Variants in ADAM19 observed in about 807,000 individuals in gnomAD.
The protein encoded by ADAM19 is disintegrin and metalloproteinase domain-containing protein 19.
A neutral mutation model predicts 114.7 loss-of-function variants in ADAM19; 65 were observed. That is an observed-to-expected ratio of 0.57 (90% CI 0.46 to 0.70). The LOEUF is 0.70. Among genes scored for constraint, ADAM19 ranks in the 30% least tolerant of loss-of-function variants. The pLI, the probability that ADAM19 is intolerant of heterozygous loss-of-function variation, is 0.00. For synonymous variants in ADAM19, 466 were observed against 460.5 expected (o/e 1.01, Z -0.15); for missense variants, 1,063 against 1,204.7 (o/e 0.88, Z 1.74).
intron 8 of ADAM19, 85 bp from the exon 9 acceptor site, chr5:157,509,552 G>A: frequency 9.4e-7 from 1 of 1,058,676 alleles, no homozygotes; most frequent in Non-Finnish European, 1.2e-6. Context: ...TGGAGCTTGA[G>A]ATTAAAAAGA....
rs1328130594 is a variant in ADAM19 at position 157,513,486 on chromosome 5, T to A, written c.686A>T (p.Asp229Val). The A allele has an allele frequency of 6.2e-7, 1 of 1,614,068 alleles. No homozygotes were observed. The highest frequency in any genetic ancestry group is 1.3e-5 in the African/African-American group (1 of 75,056). Residue 229 changes from aspartate to valine, a missense_variant, in exon 8 of 23, where the codon GAC becomes GTC. Physicochemically the swap from Asp to Val is radical, Grantham distance 152 (BLOSUM62 -3). Coordinates refer to ENST00000257527, the MANE Select transcript of ADAM19 (RefSeq NM_033274.5). ...GAGCTTGTGTTTGGTGGCGTCCTGGTCTCGTCGATTCTTCTGAAACTAAAT... is the reference window on the plus strand; with the variant it reads ...GAGCTTGTGTTTGGTGGCGTCCTGGACTCGTCGATTCTTCTGAAACTAAAT... Reference protein sequence around the residue: ...DYLEFQKNRRDQDATKHKLIE... With the variant: ...DYLEFQKNRRVQDATKHKLIE...
intron 3 of ADAM19, among the ~76,000 whole-genome samples, chr5:157,554,560 C>T (rs1441382628): frequency 1.3e-5 from 2 of 152,234 alleles, no homozygotes; most frequent in African/African-American, 4.8e-5. Context: ...TTAGGTCAAA[C>T]TGGGCATCGC....
intron 3 of ADAM19, among the ~76,000 whole-genome samples, chr5:157,560,482 C>T (rs1757483177): frequency 6.6e-6 from 1 of 152,030 alleles, no homozygotes; most frequent in Non-Finnish European, 1.5e-5. Context: ...CAGCTATGCA[C>T]CAATCTTTGC....
At chr5:157,548,595 T>C (rs1757108353) in intron 3 of ADAM19, among the ~76,000 whole-genome samples, 1 of 152,198 alleles carries the variant, frequency 6.6e-6, no homozygotes, top group Non-Finnish European at 1.5e-5. Flanking sequence ...CCCAGAAGAC[T>C]ATTCACTTAG....
intron 5 of ADAM19, among the ~76,000 whole-genome samples, chr5:157,520,417 T>C (rs1213187779): frequency 1.3e-5 from 2 of 152,000 alleles, no homozygotes; most frequent in Admixed American, 6.6e-5. Flanking sequence ...GGTCCAGGAT[T>C]CCAAAAAGCC....
At chr5:157,560,196 C>T (rs1427884142) in intron 3 of ADAM19, among the ~76,000 whole-genome samples, 3 of 130,038 alleles carry the variant, frequency 2.3e-5, no homozygotes, top group Non-Finnish European at 4.7e-5. Context: ...ACCCGGAAGG[C>T]GGAGCTTGCA....
At position 157,502,857 on chromosome 5, in the gene ADAM19, C is replaced by A; in HGVS notation, c.1254G>T (p.Arg418Ser). ...CATCTTCCAGATACCCGTTCCCACA[C>A]CTCCGGCCTCCATACAACATCCTGG... ...PDTRMLYGGR[R>S]CGNGYLEDGE... Residue 418 changes from arginine to serine, a missense_variant, in exon 12 of 23, where the codon AGG becomes AGT. Arg to Ser is a moderately radical substitution (Grantham distance 110). Around this residue, in one of 3 missense-constraint regions of ADAM19, gnomAD observed 615 missense variants for 706.3 expected, o/e 0.87. Transcript: ENST00000257527. The A allele has an allele frequency of 6.2e-7, 1 of 1,614,230 alleles. No homozygotes were observed. The highest frequency in any genetic ancestry group is 8.5e-7 in the Non-Finnish European group (1 of 1,180,038).
At chr5:157,490,498 G>A (rs776790582) in intron 18 of ADAM19, 44 bp from the exon 19 acceptor site, 164 of 1,597,166 alleles carry the variant, frequency 1.0e-4, no homozygotes, top group East Asian at 3.4e-4. Flanking sequence ...AAGCTGTCTC[G>A]GCTACAGCAG....
intron 3 of ADAM19, among the ~76,000 whole-genome samples, chr5:157,557,447 A>G (rs1757396964): frequency 1.3e-5 from 2 of 152,352 alleles, no homozygotes; most frequent in East Asian, 3.9e-4. Context: ...AGACAAGCGT[A>G]TCATGAAGCT....
intron 3 of ADAM19, among the ~76,000 whole-genome samples, chr5:157,557,507 G>T (rs978700300): frequency 6.6e-6 from 1 of 152,166 alleles, no homozygotes; most frequent in African/African-American, 2.4e-5. Flanking sequence ...CTTAAGCAAT[G>T]GACCCTAAGA....
chr5:157,477,923 G>A lies in ADAM19; in HGVS notation c.*3026C>T. On this transcript the variant is annotated 3_prime_UTR_variant, in exon 23 of 23. Transcript: ENST00000257527. ...AAGATCTGCAAGTGTCTCAGAGCTG[G>A]GGCAGAAAAAGGCTTTACTTTTATA... 4 of 325,702 alleles carry A rather than the reference G, an allele frequency of 1.2e-5. No homozygotes were observed. The highest frequency in any genetic ancestry group is 1.8e-5 in the Non-Finnish European group (3 of 164,950). 20.2% of individuals were successfully genotyped at this position (325,702 alleles called of 1,614,324 possible).
intron 8 of ADAM19, among the ~76,000 whole-genome samples, chr5:157,510,854 A>G (rs1310965678): frequency 6.6e-6 from 1 of 152,196 alleles, no homozygotes; most frequent in African/African-American, 2.4e-5. Flanking sequence ...AAATGACATA[A>G]AAGTGCACAG....
chr5:157,547,813 A>C (rs1757089981), intron 3 of ADAM19, among the ~76,000 whole-genome samples: 1 of 152,114 alleles, frequency 6.6e-6, no homozygotes, highest in African/African-American at 2.4e-5. Context: ...TCTTTATATC[A>C]GCTACCTCTT....
chr5:157,495,204 T>C (rs1371637101), intron 14 of ADAM19, among the ~76,000 whole-genome samples: 1 of 152,126 alleles, frequency 6.6e-6, no homozygotes, highest in Non-Finnish European at 1.5e-5. Context: ...GGTTTCACCA[T>C]CTTGGCCAGG....
chr5:157,543,313 G>T (rs1441442254), intron 3 of ADAM19, among the ~76,000 whole-genome samples: 2 of 152,206 alleles, frequency 1.3e-5, no homozygotes, highest in Non-Finnish European at 2.9e-5. Flanking sequence ...ACTGCAAAAT[G>T]AACAGACTAA....
In ADAM19 at chr5:157,509,372, G is replaced by A. The variant is rs757328333; in HGVS notation, c.834C>T (p.Thr278=). 4 of 1,613,578 alleles carry A rather than the reference G, an allele frequency of 2.5e-6. No individual in the cohort carries two copies. The South Asian group carries it at 3.3e-5, about 13-fold the overall frequency. The change falls in exon 9 of 23, where the codon ACC becomes ACT. Residue 278 remains threonine (T), a synonymous_variant. Coordinates refer to ENST00000257527, the MANE Select transcript of ADAM19 (RefSeq NM_033274.5). ...GCCTCCAACTGAGAAAGGACCAGAG[G>A]GTAGAATATGGATTCTCTGAAACTT... ...MCEVSENPYS[T]LWSFLSWRRK...
rs536691661 is a variant in ADAM19 at position 157,493,030 on chromosome 5, C to T, written c.1851G>A (p.Glu617=). The change falls in exon 16 of 23, where the codon GAG becomes GAA. Residue 617 remains glutamate, a synonymous_variant. Coordinates refer to ENST00000257527, the MANE Select transcript of ADAM19 (RefSeq NM_033274.5). ...CCAGCCCTGGGTCCAGCATGTCACC[C>T]TCCTCCTCAGGACCTCGGTAGACGT... ...GTHVYRGPEE[E]GDMLDPGLVM... 9.9e-6 allele frequency: 16 copies of T among 1,614,238 alleles called. No homozygotes were observed. In the East Asian group the frequency reaches 3.1e-4, roughly 31 times the overall value.
chr5:157,490,021 A>G (rs771340778), intron 19 of ADAM19, among the ~76,000 whole-genome samples: 1 of 152,190 alleles, frequency 6.6e-6, no homozygotes, highest in Non-Finnish European at 1.5e-5. Context: ...GAATAAATCA[A>G]CTAGACAAAG....
At chr5:157,499,379 T>C (rs568310590) in intron 13 of ADAM19, among the ~76,000 whole-genome samples, 194 bp downstream of exon 13, 5 of 151,994 alleles carry the variant, frequency 3.3e-5, no homozygotes, top group Non-Finnish European at 7.4e-5. Context: ...TCTGGGATGA[T>C]CTGAATTCAG....
Sources: allele counts gnomAD v4.1 joint callset (sites outside exome capture counted in the v4.1 genomes callset), GRCh38; gene constraint gnomAD v4.1.1; regional missense constraint gnomAD v4.1.1; transcripts MANE v1.5; gene names NCBI Gene and HGNC (gene_info 2026-07-23, HGNC 2026-07-21).